DHRSX: variants seen among roughly 807,000 people sequenced by gnomAD.
DHRSX encodes polyprenol dehydrogenase.
DHRSX carries 31 observed loss-of-function variants against 34.0 expected under a neutral mutation model. The ratio of observed to expected loss-of-function variants is 0.91; its 90% CI spans 0.69 to 1.23. The LOEUF is 1.23. Ranked by LOEUF, DHRSX falls within the 50% of genes most tolerant of loss-of-function variation. DHRSX has a pLI of 0.00. For missense variants in DHRSX, 414 were observed against 428.1 expected, an observed-to-expected ratio of 0.97 and a Z score of 0.29; for synonymous variants, 201 against 183.8, an observed-to-expected ratio of 1.09 and a Z score of -0.76.
intron 3 of DHRSX, among the ~76,000 whole-genome samples, chrX:2,356,588 C>T (rs923415415): frequency 6.6e-6 from 1 of 152,160 alleles, no homozygotes; most frequent in African/African-American, 2.4e-5. Flanking sequence ...ATAGTTGATC[C>T]TTCACAGGTT....
intron 6 of DHRSX, among the ~76,000 whole-genome samples, chrX:2,228,960 GC>G (rs1471970502): frequency 2.0e-5 from 3 of 152,170 alleles, no homozygotes; most frequent in African/African-American, 7.2e-5. Context: ...ACTGCCAGGA[GC>G]AGAGGGCAGC....
chrX:2,457,030 GTC>G (rs1428254519), intron 1 of DHRSX, among the ~76,000 whole-genome samples: 3 of 152,112 alleles, frequency 2.0e-5, no homozygotes, highest in Admixed American at 2.0e-4. Flanking sequence ...GGCTGGCTGT[GTC>G]TCTCACTGTG....
intron 3 of DHRSX, among the ~76,000 whole-genome samples, chrX:2,356,535 G>C (rs2042854593): frequency 2.0e-5 from 3 of 152,128 alleles, no homozygotes; most frequent in Non-Finnish European, 2.9e-5. Flanking sequence ...ATCCAATGTT[G>C]GTATCTCTGA....
intron 3 of DHRSX, among the ~76,000 whole-genome samples, chrX:2,399,732 A>G: frequency 7.2e-6 from 1 of 139,032 alleles, no homozygotes; most frequent in East Asian, 2.1e-4. Context: ...AAGCAAAAAA[A>G]AAAAAAAAAA....
At chrX:2,399,282 GTCTA>G (rs1316255056) in intron 3 of DHRSX, among the ~76,000 whole-genome samples, 2 of 151,848 alleles carry the variant, frequency 1.3e-5, no homozygotes, top group Non-Finnish European at 2.9e-5. Context: ...GAACGCATGA[GTCTA>G]TCTGTTTATC....
intron 5 of DHRSX, among the ~76,000 whole-genome samples, chrX:2,253,972 A>T (rs1043833796): frequency 1.3e-5 from 2 of 152,056 alleles, no homozygotes; most frequent in African/African-American, 4.8e-5. Flanking sequence ...GAGGCAGGAG[A>T]ATGGCGTGAA....
At chrX:2,298,623 C>CACACACGCACACACACACACGT (rs2041970835) in intron 3 of DHRSX, among the ~76,000 whole-genome samples, 1 of 148,492 alleles carries the variant, frequency 6.7e-6, no homozygotes, top group African/African-American at 2.6e-5. Flanking sequence ...CACACACACA[C>CACACACGCACACACACACACGT]ACACACACAC....
At position 2,385,568 on chromosome X, in the gene DHRSX, G is replaced by A. The variant is rs184957584; in HGVS notation, c.286+23177C>T. Among the ~76,000 whole-genome samples the A allele has an allele frequency of 8.2e-4, 125 of 152,250 alleles. 2 individuals carry two copies. In the East Asian group the frequency reaches 0.02, roughly 25 times the overall value. ...CCATTCAATTTGTGATTCGGGTGTA[G>A]AGCATCTCCTGCATTCCGGCTGCTG... On this transcript the variant is annotated intron_variant, in intron 3 of 6. Coordinates refer to ENST00000334651, the MANE Select transcript of DHRSX (RefSeq NM_145177.3).
chrX:2,220,346 G>A lies in DHRSX; in HGVS notation c.*695C>T, dbSNP rs2015494638. The A allele has an allele frequency of 6.6e-6, 1 of 152,178 alleles. No homozygotes were observed. Among genetic ancestry groups the A allele is most frequent in the South Asian group, 2.1e-4 (1 of 4,834 alleles). The allele number at this position is 152,178 out of a possible 1,614,324, so 9.4% of individuals were successfully genotyped here. On this transcript the variant is annotated 3_prime_UTR_variant, in exon 7 of 7. Transcript: ENST00000334651. ...CAAAATTCTTAATTCTATCTGCAAA[G>A]ATTCTTTTCCAAATAAAGTAATATT...
At chrX:2,403,832 G>A (rs1325829229) in intron 3 of DHRSX, among the ~76,000 whole-genome samples, 1 of 150,652 alleles carries the variant, frequency 6.6e-6, no homozygotes, top group African/African-American at 2.4e-5. Context: ...TTCTAACGTG[G>A]GCAACAAGAG....
chrX:2,484,797 G>A (rs1452594320), intron 1 of DHRSX, among the ~76,000 whole-genome samples: 8 of 152,018 alleles, frequency 5.3e-5, no homozygotes, highest in African/African-American at 1.2e-4. Context: ...CGCAGAAGGC[G>A]CAGGAAGATG....
intron 3 of DHRSX, among the ~76,000 whole-genome samples, chrX:2,393,927 G>C (rs1327018869): frequency 7.2e-6 from 1 of 138,596 alleles, no homozygotes. Flanking sequence ...ACAGTGACCT[G>C]CCCGTCTCCT....
At chrX:2,306,463 CTT>C (rs537318296) in intron 3 of DHRSX, among the ~76,000 whole-genome samples, 29 of 139,906 alleles carry the variant, frequency 2.1e-4, no homozygotes, top group Admixed American at 3.6e-4. Flanking sequence ...GATCAATTAT[CTT>C]TTTTTTTTTT....
chrX:2,238,255 G>A (rs1602776176), intron 6 of DHRSX, among the ~76,000 whole-genome samples: 1 of 152,246 alleles, frequency 6.6e-6, no homozygotes, highest in East Asian at 1.9e-4. Context: ...TACTCGGGAG[G>A]TGGAGGTGGG....
intron 3 of DHRSX, among the ~76,000 whole-genome samples, chrX:2,297,738 G>C (rs563782236): frequency 8.8e-4 from 128 of 144,874 alleles, no homozygotes; most frequent in African/African-American, 3.1e-3. Context: ...GGAGTGCGGA[G>C]TTTTTTTTGT....
intron 3 of DHRSX, among the ~76,000 whole-genome samples, chrX:2,294,034 A>G (rs2041898903): frequency 6.7e-6 from 1 of 148,174 alleles, no homozygotes; most frequent in Admixed American, 7.0e-5. Flanking sequence ...AAGAATGAGA[A>G]AGAGAGAGAT....
intron 6 of DHRSX, among the ~76,000 whole-genome samples, chrX:2,240,690 A>G (rs1173434126): frequency 6.6e-6 from 1 of 152,096 alleles, no homozygotes; most frequent in Non-Finnish European, 1.5e-5. Context: ...TTTGAAGGTG[A>G]ATCGTGGCGG....
intron 1 of DHRSX, among the ~76,000 whole-genome samples, chrX:2,486,256 A>G (rs1044217217): frequency 4.6e-5 from 7 of 152,124 alleles, no homozygotes; most frequent in African/African-American, 1.4e-4. Flanking sequence ...GGATTTACAG[A>G]CAAGAAAGAG....
chrX:2,333,123 G>A (rs1430216996), intron 3 of DHRSX, among the ~76,000 whole-genome samples: 1 of 152,146 alleles, frequency 6.6e-6, no homozygotes, highest in Admixed American at 6.5e-5. Context: ...TCCCATTGGT[G>A]TCAATGTTTA....
Sources: allele counts gnomAD v4.1 joint callset (sites outside exome capture counted in the v4.1 genomes callset), GRCh38; gene constraint gnomAD v4.1.1; transcripts MANE v1.5; gene names NCBI Gene and HGNC (gene_info 2026-07-23, HGNC 2026-07-21).